The following ENKUR variants were observed in gnomAD, a reference collection of about 807,000 sequenced individuals.
The protein encoded by ENKUR is enkurin, TRPC channel interacting protein.
In ENKUR, 19 loss-of-function variants were observed where a neutral mutation model predicts 27.6. That is an observed-to-expected ratio of 0.69 (90% CI 0.48 to 1.01). The LOEUF is 1.01. ENKUR is among the 50% of genes least tolerant of loss of function. The probability of loss-of-function intolerance (pLI) is 0.00; values close to 1 mark genes in which losing one functional copy is unlikely to be tolerated. For synonymous variants in ENKUR, 117 were observed against 96.9 expected, an observed-to-expected ratio of 1.21 and a Z score of -1.22; for missense variants, 312 against 310.5, an observed-to-expected ratio of 1.00 and a Z score of -0.04.
chr10:25,018,692 T>C (rs976706582), upstream of ENKUR, among the ~76,000 whole-genome samples: 4 of 151,264 alleles, frequency 2.6e-5, no homozygotes, highest in African/African-American at 9.7e-5. Context: ...GAAGGATTAT[T>C]TTAATCTATT....
chr10:25,055,678 T>A (rs1373377416), intron 2 of ENKUR, among the ~76,000 whole-genome samples: 1 of 152,224 alleles, frequency 6.6e-6, no homozygotes, highest in Non-Finnish European at 1.5e-5. Flanking sequence ...CTTCGATTTT[T>A]AAAATTTGGG....
intron 1 of ENKUR, among the ~76,000 whole-genome samples, chr10:25,014,111 C>A (rs185283595): frequency 6.6e-6 from 1 of 152,082 alleles, no homozygotes; most frequent in African/African-American, 2.4e-5. Context: ...CAGAAAAGTG[C>A]CTTTCATCCG....
At chr10:25,052,005 A>T (rs1236393399) in intron 2 of ENKUR, among the ~76,000 whole-genome samples, 1 of 152,220 alleles carries the variant, frequency 6.6e-6, no homozygotes, top group African/African-American at 2.4e-5. Flanking sequence ...GTTTTAATAG[A>T]AAAAAATTCA....
intron 1 of ENKUR, among the ~76,000 whole-genome samples, chr10:25,014,226 AAGACGG>A (rs1352112862): frequency 6.6e-6 from 1 of 152,176 alleles, no homozygotes; most frequent in Admixed American, 6.5e-5. Flanking sequence ...GTTCCCCAAA[AAGACGG>A]TAAACTCTGA....
chr10:24,995,395 A>T (rs1251579218), intron 3 of ENKUR, among the ~76,000 whole-genome samples: 1 of 152,236 alleles, frequency 6.6e-6, no homozygotes, highest in Admixed American at 6.5e-5. Flanking sequence ...ATTGTTAAAT[A>T]TGTTAATAAT....
chr10:25,008,083 G>A (rs1656939968), intron 1 of ENKUR, among the ~76,000 whole-genome samples: 2 of 151,226 alleles, frequency 1.3e-5, no homozygotes, highest in Admixed American at 1.3e-4. Flanking sequence ...AAGTAGTCTT[G>A]TGGGTCTGTA....
At chr10:25,051,803 ATCAAG>A (rs950552334) in intron 2 of ENKUR, among the ~76,000 whole-genome samples, 2 of 152,180 alleles carry the variant, frequency 1.3e-5, no homozygotes, top group Non-Finnish European at 2.9e-5. Flanking sequence ...CATGGAAGCA[ATCAAG>A]GCAGAACGAG....
chr10:25,013,377 T>C (rs1034838933), intron 1 of ENKUR, among the ~76,000 whole-genome samples: 6 of 151,974 alleles, frequency 3.9e-5, no homozygotes, highest in African/African-American at 1.5e-4. Context: ...GATTAATGAG[T>C]TGAGATAAAA....
intron 3 of ENKUR, among the ~76,000 whole-genome samples, chr10:24,994,963 G>A (rs563148799): frequency 1.9e-4 from 29 of 152,270 alleles, no homozygotes; most frequent in African/African-American, 5.8e-4. Flanking sequence ...GGAAGTTGCA[G>A]TGAGCTGAGA....
chr10:25,005,945 G>A (rs1165943508), intron 1 of ENKUR, among the ~76,000 whole-genome samples: 3 of 152,176 alleles, frequency 2.0e-5, no homozygotes, highest in East Asian at 1.9e-4. Context: ...TGTGGATATT[G>A]AGCACTTGAA....
At chr10:25,005,206 C>T (rs1430157215) in intron 1 of ENKUR, among the ~76,000 whole-genome samples, 1 of 152,068 alleles carries the variant, frequency 6.6e-6, no homozygotes, top group Non-Finnish European at 1.5e-5. Flanking sequence ...GGATAATTGG[C>T]TCTATTTTCT....
chr10:24,988,280 A>G, intron 4 of ENKUR, among the ~76,000 whole-genome samples: 1 of 145,328 alleles, frequency 6.9e-6, no homozygotes, highest in South Asian at 2.1e-4. Context: ...ATATATGTGT[A>G]TATATATTTA....
chr10:24,984,074 A>G lies in ENKUR; in HGVS notation c.*296T>C, dbSNP rs1849725930. ...AGGTTGGTATGCTAGAAAGGAGGCT[A>G]TTCTCCTTAATCATCCTCAATGATG... On this transcript the variant is annotated 3_prime_UTR_variant, in exon 6 of 6. Transcript: ENST00000331161. 9 of 333,666 alleles carry G rather than the reference A, an allele frequency of 2.7e-5. No individual in the cohort carries two copies. The highest frequency in any genetic ancestry group is 3.8e-5 in the Non-Finnish European group (7 of 185,496). 20.7% of individuals were successfully genotyped at this position (333,666 alleles called of 1,614,324 possible).
chr10:24,984,557 T>G (rs1849738674), intron 5 of ENKUR, 179 bp downstream of exon 5: 3 of 1,055,824 alleles, frequency 2.8e-6, no homozygotes, highest in Middle Eastern at 6.3e-4. Context: ...AAAAACAAAA[T>G]TTCTTCTTGT....
chr10:25,006,146 TAAACTATGC>T (rs1850309060), intron 1 of ENKUR, among the ~76,000 whole-genome samples: 2 of 152,218 alleles, frequency 1.3e-5, no homozygotes, highest in Non-Finnish European at 2.9e-5. Context: ...ATCCTTGAAT[TAAACTATGC>T]AGTCAGATAG....
At chr10:25,015,263 G>A (rs994053750) in intron 1 of ENKUR, among the ~76,000 whole-genome samples, 1 of 152,050 alleles carries the variant, frequency 6.6e-6, no homozygotes, top group African/African-American at 2.4e-5. Context: ...ATATTTTTTG[G>A]TTCATTATCT....
chr10:25,049,606 G>A (rs890730245), intron 2 of ENKUR, among the ~76,000 whole-genome samples: 5 of 152,052 alleles, frequency 3.3e-5, no homozygotes, highest in Admixed American at 3.3e-4. Flanking sequence ...TGGCCAACAT[G>A]GTGAACCCTC....
chr10:25,023,163 G>T, intron 2 of ENKUR: 5 of 1,494,984 alleles, frequency 3.3e-6, no homozygotes, highest in Admixed American at 4.5e-5. Flanking sequence ...TGTTTGTTTT[G>T]TGTTTTGAAA....
chr10:25,032,744 C>T (rs557213571), intron 2 of ENKUR, among the ~76,000 whole-genome samples: 9 of 152,240 alleles, frequency 5.9e-5, no homozygotes, highest in African/African-American at 2.2e-4. Flanking sequence ...TTCTGGCCTC[C>T]AAACTGCTAC....
Sources: allele counts gnomAD v4.1 joint callset (sites outside exome capture counted in the v4.1 genomes callset), GRCh38; gene constraint gnomAD v4.1.1; transcripts MANE v1.5; gene names NCBI Gene and HGNC (gene_info 2026-07-23, HGNC 2026-07-21).